The following SOX6 variants were observed in gnomAD, a reference collection of about 807,000 sequenced individuals.
The protein encoded by SOX6 is SRY-box transcription factor 6.
In SOX6, 11 loss-of-function variants were observed where a neutral mutation model predicts 97.8. The ratio of observed to expected loss-of-function variants is 0.11; its 90% CI spans 0.07 to 0.19. The LOEUF is 0.19. Ranked by LOEUF, SOX6 falls within the 10% of genes least tolerant of loss-of-function variation. The probability of loss-of-function intolerance (pLI) is 1.00; values close to 1 mark genes in which losing one functional copy is unlikely to be tolerated. For missense variants in SOX6, 810 were observed against 1,039.5 expected (o/e 0.78, Z 3.04); for synonymous variants, 360 against 371.4 (o/e 0.97, Z 0.35).
At chr11:16,633,568 G>T (rs1034733455) in intron 3 of SOX6, among the ~76,000 whole-genome samples, 5 of 152,194 alleles carry the variant, frequency 3.3e-5, no homozygotes, top group African/African-American at 1.2e-4. Context: ...TTCCCACTTT[G>T]TGTGGCTTTG....
chr11:16,464,729 T>C (rs1426997387), intron 1 of SOX6, among the ~76,000 whole-genome samples: 1 of 152,204 alleles, frequency 6.6e-6, no homozygotes, highest in African/African-American at 2.4e-5. Flanking sequence ...GTGTAATACA[T>C]AGATGATTAT....
intron 13 of SOX6, among the ~76,000 whole-genome samples, chr11:15,997,941 A>G (rs1009836370): frequency 6.6e-6 from 1 of 151,926 alleles, no homozygotes; most frequent in African/African-American, 2.4e-5. Flanking sequence ...TTAGCCAGGC[A>G]TGGTGGCGTG....
In SOX6 at chr11:16,138,769, C is replaced by T. The variant is rs189115979; in HGVS notation, c.778-26846G>A. Among the ~76,000 whole-genome samples, 138 of 151,000 alleles carry T rather than the reference C, an allele frequency of 9.1e-4. 4 individuals are homozygous for T. The East Asian group carries it at 0.026, about 28-fold the overall frequency. On this transcript the variant is annotated intron_variant, in intron 6 of 15. Coordinates refer to ENST00000683767, the MANE Select transcript of SOX6 (RefSeq NM_001367873.1). ...CCTGTGTCCATGTGTTCTCATTGTT[C>T]AATTCCCACCTATGAGTGAGAACAT...
chr11:16,709,451 G>C (rs1442451725), intron 3 of SOX6, among the ~76,000 whole-genome samples: 1 of 152,046 alleles, frequency 6.6e-6, no homozygotes, highest in Non-Finnish European at 1.5e-5. Flanking sequence ...TCAAGAGGTG[G>C]AGGTTGCAGT....
intron 2 of SOX6, among the ~76,000 whole-genome samples, chr11:16,328,919 A>G (rs1856193435): frequency 6.6e-6 from 1 of 152,206 alleles, no homozygotes; most frequent in African/African-American, 2.4e-5. Context: ...TACATAAATT[A>G]AAATGCTATA....
chr11:16,502,704 C>T (rs1860726761), intron 4 of SOX6, among the ~76,000 whole-genome samples: 1 of 152,100 alleles, frequency 6.6e-6, no homozygotes, highest in South Asian at 2.1e-4. Flanking sequence ...TGAAGGAAGA[C>T]TATGTGATCT....
chr11:16,427,846 G>C (rs1312788485), intron 1 of SOX6, among the ~76,000 whole-genome samples: 5 of 152,338 alleles, frequency 3.3e-5, no homozygotes, highest in African/African-American at 1.2e-4. Flanking sequence ...TATATACCCA[G>C]TAATGGGATG....
At chr11:16,103,203 G>A (rs893942221) in intron 7 of SOX6, among the ~76,000 whole-genome samples, 1 of 151,712 alleles carries the variant, frequency 6.6e-6, no homozygotes, top group Non-Finnish European at 1.5e-5. Flanking sequence ...CCATTAAAAA[G>A]TGGGCAAAGG....
intron 12 of SOX6, among the ~76,000 whole-genome samples, chr11:16,034,106 A>T (rs79287282): frequency 0.011 from 1,610 of 152,280 alleles, 27 homozygotes; most frequent in African/African-American, 0.037. Context: ...TTAATTGTTG[A>T]TATTTTAATC....
intron 1 of SOX6, among the ~76,000 whole-genome samples, chr11:16,460,769 T>G (rs567163808): frequency 6.6e-6 from 1 of 152,224 alleles, no homozygotes; most frequent in Non-Finnish European, 1.5e-5. Flanking sequence ...ACCTGTTCTA[T>G]TCTTCACAGA....
intron 4 of SOX6, among the ~76,000 whole-genome samples, chr11:16,489,881 T>G (rs60762192): frequency 6.6e-6 from 1 of 152,098 alleles, no homozygotes; most frequent in Non-Finnish European, 1.5e-5. Context: ...CAAACCCTGG[T>G]TCTGACATTT....
chr11:16,738,005 G>A (rs184216482), intron 1 of SOX6, among the ~76,000 whole-genome samples: 28 of 152,144 alleles, frequency 1.8e-4, no homozygotes, highest in African/African-American at 5.3e-4. Context: ...CGAGGTCAGT[G>A]AGGAGCACTC....
rs533816466 is a variant in SOX6, at chr11:16,172,065, T to A, written c.777+11821A>T. 1.4e-4 allele frequency among the ~76,000 whole-genome samples: 22 copies of A among 151,834 alleles called. 1 individual carries two copies. In the South Asian group the frequency reaches 4.1e-3, roughly 29 times the overall value. On this transcript the variant is annotated intron_variant, in intron 6 of 15. Transcript: ENST00000683767. ...ACAGCTTAAGTGTTTTGAGACTGCC[T>A]GAACCCACCCCCGACACTCAACACC...
chr11:16,196,650 G>A (rs1590018633), intron 4 of SOX6, among the ~76,000 whole-genome samples: 1 of 151,790 alleles, frequency 6.6e-6, no homozygotes, highest in African/African-American at 2.4e-5. Context: ...CATACTCACT[G>A]TCATACTCTT....
intron 4 of SOX6, among the ~76,000 whole-genome samples, chr11:16,218,830 T>C (rs1280972002): frequency 1.3e-5 from 2 of 152,118 alleles, no homozygotes; most frequent in Non-Finnish European, 2.9e-5. Flanking sequence ...TTTCATTTAA[T>C]ACTTGGGTTT....
At chr11:16,467,564 T>C (rs1860065349) in intron 1 of SOX6, among the ~76,000 whole-genome samples, 1 of 152,100 alleles carries the variant, frequency 6.6e-6, no homozygotes, top group African/African-American at 2.4e-5. Flanking sequence ...ATATTCTTAC[T>C]TAAAAGTGAG....
chr11:16,182,295 A>T (rs1307716329), intron 6 of SOX6, among the ~76,000 whole-genome samples: 1 of 151,860 alleles, frequency 6.6e-6, no homozygotes, highest in East Asian at 1.9e-4. Flanking sequence ...TAATTAACTG[A>T]TATAAGAACA....
In SOX6 at chr11:16,065,228, C is replaced by A. The variant is rs536307811; in HGVS notation, c.1102-9327G>T. On this transcript the variant is annotated intron_variant, in intron 9 of 15. Coordinates refer to ENST00000683767, the MANE Select transcript of SOX6 (RefSeq NM_001367873.1). ...AGCATTTCTATATTCTAACAGTGAACAATCTGAAAAAGAAATTAAAAAGTA... is the reference window on the plus strand; with the variant it reads ...AGCATTTCTATATTCTAACAGTGAAAAATCTGAAAAAGAAATTAAAAAGTA... 4.6e-5 allele frequency among the ~76,000 whole-genome samples: 7 copies of A among 151,878 alleles called. No individual in the cohort carries two copies. In the East Asian group the frequency reaches 1.4e-3, roughly 29 times the overall value.
intron 6 of SOX6, among the ~76,000 whole-genome samples, chr11:16,175,877 C>CAAATAA (rs1262740560): frequency 6.6e-6 from 1 of 151,722 alleles, no homozygotes; most frequent in East Asian, 1.9e-4. Context: ...TCCTCATAGA[C>CAAATAA]AAATAAAAAT....
Sources: allele counts gnomAD v4.1 joint callset (sites outside exome capture counted in the v4.1 genomes callset), GRCh38; gene constraint gnomAD v4.1.1; transcripts MANE v1.5; gene names NCBI Gene and HGNC (gene_info 2026-07-23, HGNC 2026-07-21).